The following RAB11FIP4 variants were observed in gnomAD, a reference collection of about 807,000 sequenced individuals.
RAB11FIP4 encodes RAB11 family interacting protein 4.
In RAB11FIP4, 23 loss-of-function variants were observed where a neutral mutation model predicts 74.3. The observed-to-expected ratio is 0.31, with a 90% CI of 0.22 to 0.44. RAB11FIP4 has a LOEUF of 0.44. RAB11FIP4 is among the 20% of genes least tolerant of loss of function. The probability of loss-of-function intolerance (pLI) is 1.00; values close to 1 mark genes in which losing one functional copy is unlikely to be tolerated. For synonymous variants in RAB11FIP4, 360 were observed against 359.9 expected, an observed-to-expected ratio of 1.00 and a Z score of 0.00; for missense variants, 630 against 863.9, an observed-to-expected ratio of 0.73 and a Z score of 3.39.
intron 3 of RAB11FIP4, among the ~76,000 whole-genome samples, chr17:31,445,576 A>G (rs1271278729): frequency 0.01 from 102 of 10,014 alleles, 1 homozygote; most frequent in Non-Finnish European, 0.014. Context: ...ATATATATAT[A>G]TATTTTTTTT....
At chr17:31,489,498 T>G (rs1253805988) in intron 3 of RAB11FIP4, among the ~76,000 whole-genome samples, 2 of 152,016 alleles carry the variant, frequency 1.3e-5, no homozygotes, top group Non-Finnish European at 2.9e-5. Flanking sequence ...GACTGGGGTC[T>G]CCCCCAGGTG....
At chr17:31,420,255 A>G (rs1379287761) in intron 1 of RAB11FIP4, among the ~76,000 whole-genome samples, 1 of 151,746 alleles carries the variant, frequency 6.6e-6, no homozygotes, top group African/African-American at 2.4e-5. Flanking sequence ...TTTCGAGACA[A>G]GGTCACACTC....
Position 31,536,864 on chromosome 17 carries a change from G to T in RAB11FIP4, c.*5132G>T. 2.5e-6 allele frequency: 1 copy of T among 397,710 alleles called. No individual in the cohort carries two copies. The highest frequency in any genetic ancestry group is 1.4e-4 in the South Asian group (1 of 7,150). 24.6% of individuals were successfully genotyped at this position (397,710 alleles called of 1,614,324 possible). A position where few individuals can be genotyped will look rare whatever the true frequency, so the allele number is the denominator to read the frequency against. ...AGAAAGATTTGTTTCTAAAAGCGTAGACCCTGGGGAAGTATAATGTCACCA... is the reference window on the plus strand; with the variant it reads ...AGAAAGATTTGTTTCTAAAAGCGTATACCCTGGGGAAGTATAATGTCACCA... On this transcript the variant is annotated 3_prime_UTR_variant, in exon 15 of 15. Transcript: ENST00000621161.
intron 3 of RAB11FIP4, among the ~76,000 whole-genome samples, chr17:31,464,680 A>G (rs930842461): frequency 1.4e-5 from 2 of 142,412 alleles, no homozygotes; most frequent in Admixed American, 7.1e-5. Flanking sequence ...CAAACTCCCG[A>G]TGTCAGGGGA....
chr17:31,399,265 A>G (rs2070961588), intron 1 of RAB11FIP4, among the ~76,000 whole-genome samples: 4 of 152,182 alleles, frequency 2.6e-5, no homozygotes, highest in Admixed American at 2.6e-4. Context: ...TGGAGGGGAA[A>G]TGCCCGCTGG....
chr17:31,520,458 G>A (rs1279558835), intron 4 of RAB11FIP4, among the ~76,000 whole-genome samples: 1 of 151,882 alleles, frequency 6.6e-6, no homozygotes, highest in East Asian at 1.9e-4. Flanking sequence ...ATAAAACAAT[G>A]GCTACTACAG....
rs185044642 is a variant in RAB11FIP4, at chr17:31,495,299, C to G, written c.337-22352C>G. Among the ~76,000 whole-genome samples the G allele has an allele frequency of 2.6e-4, 39 of 152,000 alleles. No homozygotes were observed. In the East Asian group the frequency reaches 6.9e-3, roughly 27 times the overall value. ...CTGCCCAGAGGTCTATAGCTCCACTCAGGCGAAGCTGGCTAGCCTGGCCTA... is the reference window on the plus strand; with the variant it reads ...CTGCCCAGAGGTCTATAGCTCCACTGAGGCGAAGCTGGCTAGCCTGGCCTA... On this transcript the variant is annotated intron_variant, in intron 3 of 14. Transcript: ENST00000621161.
Position 31,391,971 on chromosome 17 carries a change from G to C in RAB11FIP4, c.119G>C (p.Arg40Pro). 1 of 1,367,476 alleles carries C rather than the reference G, an allele frequency of 7.3e-7. No homozygotes were observed. The highest frequency in any genetic ancestry group is 9.4e-7 in the Non-Finnish European group (1 of 1,058,308). The allele number at this position is 1,367,476 out of a possible 1,614,324, so 84.7% of individuals were successfully genotyped here. The change falls in exon 1 of 15, where the codon CGC becomes CCC. Residue 40 changes from arginine (R) to proline (P), a missense_variant. Transcript: ENST00000621161. ...RDPDGFLRVERVAALGLRFGQ... is the reference protein window; with the variant it reads ...RDPDGFLRVEPVAALGLRFGQ... ...CCCGACGGCTTCCTGCGCGTGGAGC[G>C]CGTCGCGGCGCTCGGACTGCGCTTC...
At chr17:31,474,050 C>T (rs2071765839) in intron 3 of RAB11FIP4, among the ~76,000 whole-genome samples, 1 of 152,176 alleles carries the variant, frequency 6.6e-6, no homozygotes, top group South Asian at 2.1e-4. Context: ...ACTATCTTGG[C>T]TCCAGATGCC....
At chr17:31,468,627 G>A (rs1226473588) in intron 3 of RAB11FIP4, among the ~76,000 whole-genome samples, 1 of 152,006 alleles carries the variant, frequency 6.6e-6, no homozygotes, top group Non-Finnish European at 1.5e-5. Context: ...TCAAGAGATT[G>A]AGACCATCCT....
At chr17:31,416,831 G>A (rs914816314) in intron 1 of RAB11FIP4, among the ~76,000 whole-genome samples, 12 of 152,194 alleles carry the variant, frequency 7.9e-5, no homozygotes, top group African/African-American at 2.4e-4. Flanking sequence ...GCTGCTGGGA[G>A]TGATGCACTT....
At chr17:31,519,647 T>C (rs1597977793) in intron 4 of RAB11FIP4, among the ~76,000 whole-genome samples, 1 of 152,146 alleles carries the variant, frequency 6.6e-6, no homozygotes, top group Non-Finnish European at 1.5e-5. Flanking sequence ...GGGGTTCCCA[T>C]GTTGGTTGAA....
chr17:31,445,561 TATATATATATATATA>T (rs2071449424), intron 3 of RAB11FIP4, among the ~76,000 whole-genome samples: 1 of 12,608 alleles, frequency 7.9e-5, no homozygotes, highest in Non-Finnish European at 1.5e-4. Flanking sequence ...TATATATATA[TATATATATATATATA>T]TATTTTTTTT....
At chr17:31,488,019 G>C (rs1159082426) in intron 3 of RAB11FIP4, 1 of 1,009,260 alleles carries the variant, frequency 9.9e-7, no homozygotes, top group Non-Finnish European at 1.2e-6. Context: ...GGGCCCAGGC[G>C]CCTCGTGATG....
At chr17:31,526,293 A>C (rs2072765858) in intron 10 of RAB11FIP4, 1 of 152,276 alleles carries the variant, frequency 6.6e-6, no homozygotes, top group Admixed American at 6.5e-5. Context: ...CCTGGGCCAC[A>C]GGACAAAGTG....
intron 1 of RAB11FIP4, among the ~76,000 whole-genome samples, chr17:31,411,276 A>G (rs1377624508): frequency 2.6e-5 from 4 of 152,218 alleles, no homozygotes; most frequent in African/African-American, 9.6e-5. Context: ...AGGCAGGAGA[A>G]TAGCGTGAAC....
intron 3 of RAB11FIP4, among the ~76,000 whole-genome samples, chr17:31,498,939 G>A (rs1303904965): frequency 1.3e-5 from 2 of 152,178 alleles, no homozygotes; most frequent in African/African-American, 4.8e-5. Context: ...TCTTGGTTGT[G>A]TGAGTAATTA....
intron 6 of RAB11FIP4, 25 bp downstream of exon 6, chr17:31,522,074 G>C: frequency 6.2e-7 from 1 of 1,613,660 alleles, no homozygotes; most frequent in African/African-American, 1.3e-5. Flanking sequence ...CAGCTGGGGG[G>C]TGAGAGGCCG....
intron 3 of RAB11FIP4, among the ~76,000 whole-genome samples, chr17:31,491,324 G>C (rs576956274): frequency 1.3e-5 from 2 of 152,368 alleles, no homozygotes; most frequent in African/African-American, 2.4e-5. Context: ...CTTTGTGCCA[G>C]ATTCTGTGCT....
Sources: gnomAD v4.1 joint callset for allele counts (sites outside exome capture counted in the v4.1 genomes callset) on GRCh38, gnomAD v4.1.1 for gene constraint, MANE v1.5 for transcripts, NCBI Gene and HGNC (gene_info 2026-07-23, HGNC 2026-07-21) for gene names.